DLG2: variants seen among roughly 807,000 people sequenced by gnomAD.
DLG2 encodes disks large homolog 2.
Under a neutral mutation model 132.5 loss-of-function variants are expected in DLG2, and 45 were observed. The observed-to-expected ratio is 0.34, with a 90% CI of 0.27 to 0.44. DLG2 has a LOEUF of 0.44. Among genes scored for constraint, DLG2 ranks in the 20% least tolerant of loss-of-function variants. The pLI, the probability that DLG2 is intolerant of heterozygous loss-of-function variation, is 1.00. For synonymous variants in DLG2, 424 were observed against 419.6 expected (o/e 1.01, Z -0.13); for missense variants, 1,045 against 1,196.9 (o/e 0.87, Z 1.87).
intron 3 of DLG2, among the ~76,000 whole-genome samples, chr11:85,491,231 A>G (rs2093554086): frequency 6.6e-6 from 1 of 152,116 alleles, no homozygotes; most frequent in African/African-American, 2.4e-5. Context: ...TCCTTTCATG[A>G]TAAAAACTCT....
chr11:84,791,298 T>A (rs1338740186), intron 6 of DLG2, among the ~76,000 whole-genome samples: 1 of 152,168 alleles, frequency 6.6e-6, no homozygotes, highest in African/African-American at 2.4e-5. Context: ...ACAGTATCAG[T>A]CTATGCATCT....
chr11:84,815,950 C>T (rs556882778), intron 6 of DLG2, among the ~76,000 whole-genome samples: 16 of 151,982 alleles, frequency 1.1e-4, no homozygotes, highest in African/African-American at 2.2e-4. Flanking sequence ...ATAGGGATGA[C>T]GCTGATATTG....
intron 21 of DLG2, among the ~76,000 whole-genome samples, chr11:83,487,926 A>C (rs974463108): frequency 2.6e-5 from 4 of 151,970 alleles, no homozygotes; most frequent in African/African-American, 4.8e-5. Flanking sequence ...GATAGTGGGC[A>C]CAGAGATTGG....
At chr11:83,753,162 C>A (rs527845068) in intron 18 of DLG2, among the ~76,000 whole-genome samples, 1 of 152,188 alleles carries the variant, frequency 6.6e-6, no homozygotes, top group Admixed American at 6.5e-5. Flanking sequence ...GTGGCTCACA[C>A]CTGTGATCCA....
chr11:84,556,273 G>A (rs1325541690), intron 6 of DLG2, among the ~76,000 whole-genome samples: 1 of 152,142 alleles, frequency 6.6e-6, no homozygotes, highest in Non-Finnish European at 1.5e-5. Flanking sequence ...AGTGGACAGT[G>A]GGTATAAAGA....
intron 8 of DLG2, among the ~76,000 whole-genome samples, chr11:84,226,978 C>G (rs1009603014): frequency 8.6e-5 from 13 of 151,894 alleles, no homozygotes; most frequent in African/African-American, 3.1e-4. Flanking sequence ...CCCAATCACT[C>G]CGGAGGCTGG....
chr11:84,875,744 CT>C (rs912167293), intron 6 of DLG2, among the ~76,000 whole-genome samples: 132 of 151,090 alleles, frequency 8.7e-4, no homozygotes, highest in African/African-American at 3.2e-3. Context: ...TTTCCTTCTC[CT>C]TTTTTTTTGA....
At position 85,101,283 on chromosome 11, in the gene DLG2, C is replaced by T. The variant is rs117957297; in HGVS notation, c.357+10378G>A. Among the ~76,000 whole-genome samples, 468 of 152,002 alleles carry T rather than the reference C, an allele frequency of 3.1e-3. 1 individual carries two copies. Among genetic ancestry groups the T allele is most frequent in the Non-Finnish European group, 5.1e-3 (346 of 67,984 alleles). Reference sequence around the variant, plus strand: ...TAGGTAATAAAATGCCATGATTATACGAGATATATCTGAAAAGTCTCTACA... The same window carrying T: ...TAGGTAATAAAATGCCATGATTATATGAGATATATCTGAAAAGTCTCTACA... On this transcript the variant is annotated intron_variant, in intron 6 of 27. Coordinates refer to ENST00000376104, the MANE Select transcript of DLG2 (RefSeq NM_001142699.3).
At chr11:83,987,436 A>G (rs2093406678) in intron 11 of DLG2, among the ~76,000 whole-genome samples, 2 of 152,172 alleles carry the variant, frequency 1.3e-5, no homozygotes, top group South Asian at 4.1e-4. Context: ...TTGCTACCTG[A>G]CTTCAAGCTA....
chr11:84,994,052 T>TA (rs1374646342), intron 6 of DLG2, among the ~76,000 whole-genome samples: 2 of 151,984 alleles, frequency 1.3e-5, no homozygotes, highest in Non-Finnish European at 2.9e-5. Context: ...AAAAAGAAAT[T>TA]AAAAAAATAA....
chr11:84,077,022 A>G (rs2096838582), intron 10 of DLG2, among the ~76,000 whole-genome samples: 1 of 152,210 alleles, frequency 6.6e-6, no homozygotes, highest in Admixed American at 6.5e-5. Context: ...AGATCTCACC[A>G]GATCATTTAA....
chr11:84,371,395 A>G (rs553786976), intron 7 of DLG2, among the ~76,000 whole-genome samples: 2 of 151,958 alleles, frequency 1.3e-5, no homozygotes, highest in South Asian at 2.1e-4. Context: ...AGCTGAAGTT[A>G]CAGGTGTGCA....
chr11:85,622,171 G>A lies in DLG2; in HGVS notation c.-93+4416C>T, dbSNP rs549217332. Among the ~76,000 whole-genome samples, 15 of 152,206 alleles carry A rather than the reference G, an allele frequency of 9.9e-5. No homozygotes were observed. In the South Asian group the frequency reaches 1.9e-3, roughly 19 times the overall value. ...TGTAAAGCATTTTTACTTAAAGTAC[G>A]TACATTGTTTTTAGACATAATACGA... On this transcript the variant is annotated intron_variant, in intron 2 of 27. Transcript: ENST00000376104.
At chr11:84,516,926 T>G (rs892274856) in intron 7 of DLG2, among the ~76,000 whole-genome samples, 1 of 147,532 alleles carries the variant, frequency 6.8e-6, no homozygotes, top group Non-Finnish European at 1.5e-5. Flanking sequence ...GACTTAAAAC[T>G]ATGAAACTAC....
chr11:83,915,289 T>C (rs990604074), intron 15 of DLG2, among the ~76,000 whole-genome samples: 10 of 152,006 alleles, frequency 6.6e-5, no homozygotes, highest in Non-Finnish European at 1.0e-4. Flanking sequence ...AAAGAAGAGA[T>C]AGTGTAGACA....
At chr11:84,093,196 C>T (rs1017705195) in intron 10 of DLG2, among the ~76,000 whole-genome samples, 3 of 152,156 alleles carry the variant, frequency 2.0e-5, no homozygotes, top group Non-Finnish European at 4.4e-5. Context: ...AAGGCTGTAT[C>T]AAGATGTCAG....
chr11:84,709,008 G>C (rs768527420), intron 6 of DLG2, among the ~76,000 whole-genome samples: 34 of 151,838 alleles, frequency 2.2e-4, no homozygotes, highest in Non-Finnish European at 5.9e-5. Flanking sequence ...AATACATCTG[G>C]TAACAAAAGC....
At chr11:83,996,372 T>C (rs2094024126) in intron 11 of DLG2, among the ~76,000 whole-genome samples, 1 of 152,176 alleles carries the variant, frequency 6.6e-6, no homozygotes, top group South Asian at 2.1e-4. Flanking sequence ...ACACTGTTGG[T>C]GGAATGTAAA....
intron 19 of DLG2, among the ~76,000 whole-genome samples, chr11:83,588,046 G>T (rs181146027): frequency 6.6e-6 from 1 of 152,170 alleles, no homozygotes; most frequent in Non-Finnish European, 1.5e-5. Flanking sequence ...AGGCGGCAGC[G>T]AGGCTAGGGG....
Sources: allele counts gnomAD v4.1 joint callset (sites outside exome capture counted in the v4.1 genomes callset), GRCh38; gene constraint gnomAD v4.1.1; transcripts MANE v1.5; gene names NCBI Gene and HGNC (gene_info 2026-07-23, HGNC 2026-07-21).